ELOVL7: variants seen among roughly 807,000 people sequenced by gnomAD.
ELOVL7 encodes the protein ELOVL fatty acid elongase 7.
A neutral mutation model predicts 35.7 loss-of-function variants in ELOVL7; 27 were observed. That is an observed-to-expected ratio of 0.76 (90% CI 0.56 to 1.04). The LOEUF is 1.04. Ranked by LOEUF, ELOVL7 falls within the 50% of genes least tolerant of loss-of-function variation. The pLI is 0.00. For missense variants in ELOVL7, 327 were observed against 340.8 expected (o/e 0.96, Z 0.32); for synonymous variants, 113 against 114.6 (o/e 0.99, Z 0.09).
chr5:60,827,346 T>A (rs1746228915), intron 1 of ELOVL7, among the ~76,000 whole-genome samples: 1 of 152,218 alleles, frequency 6.6e-6, no homozygotes, highest in Non-Finnish European at 1.5e-5. Context: ...CAATGTAGGT[T>A]CCTCCAACTA....
rs374173771 is a variant in ELOVL7, at chr5:60,754,601, C to T, written c.*23G>A. 2.5e-6 allele frequency: 4 copies of T among 1,600,170 alleles called. No homozygotes were observed. Among genetic ancestry groups the T allele is most frequent in the Non-Finnish European group, 3.4e-6 (4 of 1,168,022 alleles). ...GTCAAGGAAGACAATGTATCAGTTT[C>T]GATCATAGACTTATGTTGGGCTTCA... On this transcript the variant is annotated 3_prime_UTR_variant, in exon 9 of 9. Transcript: ENST00000508821.
intron 1 of ELOVL7, among the ~76,000 whole-genome samples, chr5:60,828,796 T>G (rs906058627): frequency 2.6e-5 from 4 of 152,202 alleles, no homozygotes; most frequent in Non-Finnish European, 5.9e-5. Context: ...TCTTGTGATA[T>G]TTATATAATT....
rs115861358 is a variant in ELOVL7, at chr5:60,825,246, A to G, written c.-86+18914T>C. Among the ~76,000 whole-genome samples the G allele has an allele frequency of 1.9e-3, 284 of 152,216 alleles. 2 individuals carry two copies. Among genetic ancestry groups the G allele is most frequent in the African/African-American group, 6.7e-3 (278 of 41,514 alleles). On this transcript the variant is annotated intron_variant, in intron 1 of 8. Transcript: ENST00000508821. Reference sequence around the variant, plus strand: ...CCCTTGTCCTTCCCTGAACACACCAAGAATGCCCTGCCTCAAGGCATTGAA... The same window carrying G: ...CCCTTGTCCTTCCCTGAACACACCAGGAATGCCCTGCCTCAAGGCATTGAA...
At chr5:60,784,658 A>G (rs994415153) in intron 3 of ELOVL7, among the ~76,000 whole-genome samples, 1 of 152,200 alleles carries the variant, frequency 6.6e-6, no homozygotes, top group African/African-American at 2.4e-5. Context: ...GCCCTTGATC[A>G]TAAGTTCAGA....
intron 2 of ELOVL7, among the ~76,000 whole-genome samples, chr5:60,791,420 A>G (rs1189836381): frequency 2.0e-5 from 3 of 152,172 alleles, no homozygotes; most frequent in African/African-American, 4.8e-5. Flanking sequence ...AAAACTTCCT[A>G]TAGGTACTAT....
chr5:60,810,350 C>T (rs1013774964), intron 1 of ELOVL7, among the ~76,000 whole-genome samples: 1 of 152,162 alleles, frequency 6.6e-6, no homozygotes, highest in South Asian at 2.1e-4. Context: ...GAATCACATA[C>T]TGAAGGGAAA....
intron 2 of ELOVL7, among the ~76,000 whole-genome samples, chr5:60,793,084 T>G (rs1744037728): frequency 6.6e-6 from 1 of 152,112 alleles, no homozygotes; most frequent in East Asian, 1.9e-4. Flanking sequence ...ACTGAAGAGA[T>G]ACTATCAAGA....
chr5:60,780,178 G>A (rs370470601), intron 3 of ELOVL7, among the ~76,000 whole-genome samples: 1 of 147,134 alleles, frequency 6.8e-6, no homozygotes, highest in Admixed American at 6.8e-5. Flanking sequence ...GGAGTGCAAC[G>A]GTACGATCTC....
Position 60,773,953 on chromosome 5 carries a change from T to C in ELOVL7, c.65-1860A>G, listed in dbSNP as rs920084444. 5.3e-5 allele frequency among the ~76,000 whole-genome samples: 8 copies of C among 152,310 alleles called. No homozygotes were observed. In the South Asian group the frequency reaches 1.7e-3, roughly 32 times the overall value. The stretch of plus-strand genomic sequence containing the variant: ...AACGTATTTGGCCAAAAAACACTAT[T>C]TTTTTTGTAGAATGTTATTTAACAT... On this transcript the variant is annotated intron_variant, in intron 3 of 8. Coordinates refer to ENST00000508821, the MANE Select transcript of ELOVL7 (RefSeq NM_024930.3).
Position 60,754,833 on chromosome 5 carries a change from C to A in ELOVL7, c.637G>T (p.Val213Phe), listed in dbSNP as rs1462731009. The change falls in exon 9 of 9, where the codon GTC becomes TTC. Residue 213 changes from valine (V) to phenylalanine (F), a missense_variant and splice_region_variant. By Grantham distance (50) the Val-to-Phe change is conservative (BLOSUM62 -1). Coordinates refer to ENST00000508821, the MANE Select transcript of ELOVL7 (RefSeq NM_024930.3). ...WKKYLTSLQL[V>F]QFVIVAIHIS... is the part of the protein sequence containing the mutation. ...TGGATGGCGACAATAACAAACTGGA[C>A]CTAAGAAATGAAAACGTGAAAAAAA... 7.4e-6 allele frequency: 12 copies of A among 1,612,410 alleles called. No homozygotes were observed. Among genetic ancestry groups the A allele is most frequent in the Non-Finnish European group, 8.5e-6 (10 of 1,179,428 alleles).
At chr5:60,836,510 A>C (rs1746806047) in intron 1 of ELOVL7, among the ~76,000 whole-genome samples, 2 of 152,042 alleles carry the variant, frequency 1.3e-5, no homozygotes, top group African/African-American at 2.4e-5. Context: ...TTTATTTCTG[A>C]GACATAAATC....
At chr5:60,780,717 G>T (rs144764300) in intron 3 of ELOVL7, among the ~76,000 whole-genome samples, 1,593 of 152,212 alleles carry the variant, frequency 0.01, 13 homozygotes, top group Middle Eastern at 0.024. Flanking sequence ...GCCAGCAGGG[G>T]AAATGCCAGA....
In ELOVL7 at chr5:60,826,464, A is replaced by G. The variant is rs570894187; in HGVS notation, c.-86+17696T>C. 2.6e-5 allele frequency among the ~76,000 whole-genome samples: 4 copies of G among 152,292 alleles called. No individual in the cohort carries two copies. In the South Asian group the frequency reaches 8.3e-4, roughly 32 times the overall value. ...GATTCAGGGATACTATTAAGATAACAGTATCATAGCAGTGTCCTCTGGGAC... is the reference window on the plus strand; with the variant it reads ...GATTCAGGGATACTATTAAGATAACGGTATCATAGCAGTGTCCTCTGGGAC... On this transcript the variant is annotated intron_variant, in intron 1 of 8. Coordinates refer to ENST00000508821, the MANE Select transcript of ELOVL7 (RefSeq NM_024930.3).
intron 7 of ELOVL7, among the ~76,000 whole-genome samples, chr5:60,759,708 T>C (rs1741768194): frequency 6.6e-6 from 1 of 152,004 alleles, no homozygotes; most frequent in African/African-American, 2.4e-5. Flanking sequence ...TACATATGTA[T>C]ACATGTGCCA....
At chr5:60,837,502 T>A (rs1554069019) in intron 1 of ELOVL7, among the ~76,000 whole-genome samples, 2 of 152,198 alleles carry the variant, frequency 1.3e-5, no homozygotes, top group Non-Finnish European at 2.9e-5. Flanking sequence ...GCCTAAAAGA[T>A]GACAAACCTT....
intron 2 of ELOVL7, among the ~76,000 whole-genome samples, chr5:60,794,746 A>C (rs1744147284): frequency 6.6e-6 from 1 of 152,094 alleles, no homozygotes; most frequent in African/African-American, 2.4e-5. Flanking sequence ...CTCCCCACTG[A>C]TCTCTGCTTT....
At chr5:60,830,030 A>G (rs140801348) in intron 1 of ELOVL7, among the ~76,000 whole-genome samples, 58 of 152,234 alleles carry the variant, frequency 3.8e-4, no homozygotes, top group Admixed American at 1.5e-3. Flanking sequence ...TCATTTTGAG[A>G]AATCATTGTC....
At chr5:60,816,873 A>C (rs1274055414) in intron 1 of ELOVL7, among the ~76,000 whole-genome samples, 1 of 152,254 alleles carries the variant, frequency 6.6e-6, no homozygotes. Context: ...TACAAAATTC[A>C]AATGTAAAAA....
intron 7 of ELOVL7, among the ~76,000 whole-genome samples, chr5:60,762,994 C>T (rs1009002731): frequency 1.3e-5 from 2 of 152,014 alleles, no homozygotes; most frequent in African/African-American, 2.4e-5. Flanking sequence ...AATAGAAACA[C>T]AGAAAGTAAG....
Sources: gnomAD v4.1 joint callset for allele counts (sites outside exome capture counted in the v4.1 genomes callset) on GRCh38, gnomAD v4.1.1 for gene constraint, MANE v1.5 for transcripts, NCBI Gene and HGNC (gene_info 2026-07-23, HGNC 2026-07-21) for gene names.